ZNF584: variants seen among roughly 807,000 people sequenced by gnomAD.
ZNF584 encodes zinc finger protein 584.
A neutral mutation model predicts 14.7 loss-of-function variants in ZNF584; 12 were observed. That is an observed-to-expected ratio of 0.82 (90% confidence interval 0.52 to 1.32). The LOEUF (loss-of-function observed/expected upper bound fraction) is 1.32, where lower values mean the gene tolerates loss of function less well. Among genes scored for constraint, ZNF584 ranks in the 40% most tolerant of loss-of-function variants. The pLI is 0.00. For missense variants in ZNF584, 478 were observed against 518.8 expected, an observed-to-expected ratio of 0.92 and a Z score of 0.76; for synonymous variants, 204 against 190.9, an observed-to-expected ratio of 1.07 and a Z score of -0.57.
At chr19:58,405,271 ACCC>A (rs555648755), upstream of ZNF584, 1 of 78,094 alleles carries the variant, frequency 1.3e-5, no homozygotes, top group Non-Finnish European at 2.5e-5. Context: ...CGGGGGGCTG[ACCC>A]CCCCACCTCC....
At chr19:58,405,741 G>C (rs1251981741), upstream of ZNF584, 1 of 178,874 alleles carries the variant, frequency 5.6e-6, no homozygotes, top group African/African-American at 2.4e-5. Flanking sequence ...CCACATCTCA[G>C]ACGATGGGCG....
Position 58,410,745 on chromosome 19 carries a change from GTATATA to G in ZNF584, c.169+666_169+671del, listed in dbSNP as rs1298705965. Among the ~76,000 whole-genome samples the G allele has an allele frequency of 3.3e-4, 10 of 30,440 alleles. 1 individual carries two copies. In the African/African-American group the frequency reaches 3.6e-3, roughly 11 times the overall value. 20.0% of individuals were successfully genotyped at this position (30,440 alleles called of 152,430 possible). A position where few individuals can be genotyped will look rare whatever the true frequency, so the allele number is the denominator to read the frequency against. On this transcript the variant is annotated intron_variant, in intron 2 of 3. Transcript: ENST00000306910. Reference sequence around the variant, plus strand: ...TATATATGTATATATATATATGTGTGTATATATATATATATATGTATATATATATAT... The same window carrying G: ...TATATATGTATATATATATATGTGTGTATATATATATGTATATATATATAT...
At chr19:58,410,543 A>AATTTTTTTTTTTTTTTTTT (rs1568584349) in intron 2 of ZNF584, among the ~76,000 whole-genome samples, 1 of 23,160 alleles carries the variant, frequency 4.3e-5, no homozygotes, top group African/African-American at 2.5e-4. Context: ...ATATATATAT[A>AATTTTTTTTTTTTTTTTTT]TATATATATA....
At chr19:58,407,945 C>T (rs908569285), upstream of ZNF584, among the ~76,000 whole-genome samples, 4 of 152,300 alleles carry the variant, frequency 2.6e-5, no homozygotes, top group Admixed American at 6.5e-5. Flanking sequence ...ACAAGCCTAC[C>T]GTGCCTCAGC....
At position 58,417,153 on chromosome 19, in the gene ZNF584, C is replaced by G; in HGVS notation, c.635C>G (p.Thr212Arg). 1.2e-6 allele frequency: 2 copies of G among 1,613,624 alleles called. No individual in the cohort carries two copies. The highest frequency in any genetic ancestry group is 1.1e-5 in the South Asian group (1 of 91,018). The change falls in exon 4 of 4, where the codon ACA becomes AGA. Residue 212 changes from threonine (T) to arginine (R), a missense_variant. Around this residue, in one of 3 missense-constraint regions of ZNF584, gnomAD observed 283 missense variants for 317.3 expected, o/e 0.89. Coordinates refer to ENST00000306910, the MANE Select transcript of ZNF584 (RefSeq NM_173548.3). ...INPRKIHTGE[T>R]AHVCNECGKA... ...CCCCGAAAAATTCACACTGGAGAAA[C>G]AGCCCATGTGTGTAATGAATGTGGG...
At position 58,418,156 on chromosome 19, in the gene ZNF584, C is replaced by T. The variant is rs916933510; in HGVS notation, c.*372C>T. On this transcript the variant is annotated 3_prime_UTR_variant, in exon 4 of 4. Transcript: ENST00000306910. ...TGGTTTAGCTGTGGACATGACCCAC[C>T]TCTGGCCGGAGGAGCTGAGCTGGTA... 5.5e-5 allele frequency: 13 copies of T among 234,470 alleles called. No homozygotes were observed. Among genetic ancestry groups the T allele is most frequent in the African/African-American group, 2.5e-4 (11 of 44,642 alleles). 14.5% of individuals were successfully genotyped at this position (234,470 alleles called of 1,614,324 possible).
At chr19:58,402,455 C>T (rs1162876804) in intron 1 of ZNF584, among the ~76,000 whole-genome samples, 1 of 152,230 alleles carries the variant, frequency 6.6e-6, no homozygotes, top group Non-Finnish European at 1.5e-5. Context: ...TCCCAGACAT[C>T]TACTTGTTCT....
chr19:58,416,217 C>T, intron 3 of ZNF584: 1 of 332,966 alleles, frequency 3.0e-6, no homozygotes, highest in Non-Finnish European at 5.6e-6. Context: ...CCAACCCAGA[C>T]CTTTCCTAGC....
chr19:58,411,526 C>A (rs75942034), intron 2 of ZNF584, among the ~76,000 whole-genome samples: 45 of 141,636 alleles, frequency 3.2e-4, no homozygotes, highest in African/African-American at 5.1e-4. Context: ...AACTACGTCT[C>A]AAAAAAAAAA....
chr19:58,409,009 T>C lies in ZNF584; in HGVS notation c.-139T>C, dbSNP rs1292909503. ...CCTTCCCAGCGGCTCCGGGAAGCGG[T>C]TCCCTGTCTTCGGACGCATTTCACC... On this transcript the variant is annotated 5_prime_UTR_variant, in exon 1 of 4. Coordinates refer to ENST00000306910, the MANE Select transcript of ZNF584 (RefSeq NM_173548.3). 2 of 1,134,368 alleles carry C rather than the reference T, an allele frequency of 1.8e-6. No individual in the cohort carries two copies. The highest frequency in any genetic ancestry group is 2.4e-6 in the Non-Finnish European group (2 of 838,254). 70.3% of individuals were successfully genotyped at this position (1,134,368 alleles called of 1,614,324 possible).
upstream of ZNF584, chr19:58,406,342 AGCGGGGGGGG>A (rs773002198): frequency 2.0e-5 from 1 of 49,496 alleles, no homozygotes; most frequent in East Asian, 1.9e-3. Context: ...CCGTGGAAAG[AGCGGGGGGGG>A]GGGGAGGGGG....
chr19:58,415,776 A>G (rs2052634649), intron 3 of ZNF584, 130 bp downstream of exon 3: 1 of 1,611,374 alleles, frequency 6.2e-7, no homozygotes, highest in South Asian at 1.1e-5. Context: ...TTCCTGTCTT[A>G]TGTGGACACT....
chr19:58,417,507 A>C lies in ZNF584; in HGVS notation c.989A>C (p.Gln330Pro), dbSNP rs748924342. The change falls in exon 4 of 4, where the codon CAA becomes CCA. Residue 330 changes from glutamine to proline, a missense_variant. Coordinates refer to ENST00000306910, the MANE Select transcript of ZNF584 (RefSeq NM_173548.3). ...HTGERPFECK[Q>P]CGKGYVTRSG... ...GGAGAAAGGCCTTTTGAATGCAAGC[A>C]ATGTGGGAAAGGCTACGTGACCCGT... 4 of 1,614,216 alleles carry C rather than the reference A, an allele frequency of 2.5e-6. No homozygotes were observed. The highest frequency in any genetic ancestry group is 3.4e-6 in the Non-Finnish European group (4 of 1,180,034).
intron 2 of ZNF584, among the ~76,000 whole-genome samples, chr19:58,412,080 C>G (rs1275918850): frequency 1.4e-5 from 2 of 147,794 alleles, no homozygotes; most frequent in Admixed American, 1.4e-4. Flanking sequence ...CTCTTGGGTT[C>G]AAGTGATTCT....
At chr19:58,415,836 C>T (rs1281525756) in intron 3 of ZNF584, 190 bp downstream of exon 3, 8 of 1,601,472 alleles carry the variant, frequency 5.0e-6, no homozygotes, top group Admixed American at 1.7e-5. Flanking sequence ...ATGTTCCTGC[C>T]TCTCTGGCCT....
chr19:58,416,261 A>T, intron 3 of ZNF584: 1 of 232,044 alleles, frequency 4.3e-6, no homozygotes, highest in South Asian at 8.0e-5. Flanking sequence ...TTTAAGATGG[A>T]GTTTTGCTCT....
intron 3 of ZNF584, chr19:58,416,118 C>T: frequency 3.1e-6 from 2 of 650,778 alleles, no homozygotes; most frequent in Non-Finnish European, 5.2e-6. Context: ...CTCTTCCCTG[C>T]ACCATATCCT....
chr19:58,415,520 G>T lies in ZNF584; in HGVS notation c.170-4G>T. ...CTGTTTCTTTTACTACCTGTCACCC[G>T]CAGGACTTGCACCTTCGAGATCCCC... On this transcript the variant is annotated splice_region_variant and splice_polypyrimidine_tract_variant and intron_variant, in intron 2 of 3. Coordinates refer to ENST00000306910, the MANE Select transcript of ZNF584 (RefSeq NM_173548.3). 2 of 1,609,714 alleles carry T rather than the reference G, an allele frequency of 1.2e-6. No homozygotes were observed. The highest frequency in any genetic ancestry group is 1.7e-6 in the Non-Finnish European group (2 of 1,176,670).
intron 3 of ZNF584, 150 bp downstream of exon 3, chr19:58,415,796 G>T: frequency 1.1e-5 from 18 of 1,608,132 alleles, no homozygotes; most frequent in Non-Finnish European, 1.5e-5. Context: ...TGTGCAGTCT[G>T]CCATCTCTAC....
Sources: allele counts gnomAD v4.1 joint callset (sites outside exome capture counted in the v4.1 genomes callset), GRCh38; gene constraint gnomAD v4.1.1; regional missense constraint gnomAD v4.1.1; transcripts MANE v1.5; gene names NCBI Gene and HGNC (gene_info 2026-07-23, HGNC 2026-07-21).